The following RBFOX1 variants were observed in gnomAD, a reference collection of about 807,000 sequenced individuals.
The protein encoded by RBFOX1 is RNA binding fox-1 homolog 1.
A neutral mutation model predicts 57.7 loss-of-function variants in RBFOX1; 8 were observed. That is an observed-to-expected ratio of 0.14 (90% CI 0.08 to 0.25). The LOEUF (loss-of-function observed/expected upper bound fraction) is 0.25. RBFOX1 is among the 10% of genes least tolerant of loss of function. RBFOX1 has a pLI of 1.00. For missense variants in RBFOX1, 611 were observed against 548.5 expected (o/e 1.11, Z -1.14); for synonymous variants, 326 against 222.4 (o/e 1.47, Z -4.15).
At chr16:6,267,042 T>C (rs1286977184) in intron 1 of RBFOX1, among the ~76,000 whole-genome samples, 1 of 152,178 alleles carries the variant, frequency 6.6e-6, no homozygotes, top group African/African-American at 2.4e-5. Context: ...GGATAGGTTC[T>C]AGTGAAAAGC....
chr16:6,012,682 G>A (rs149728403), intron 4 of RBFOX1, among the ~76,000 whole-genome samples: 8 of 152,230 alleles, frequency 5.3e-5, no homozygotes, highest in Non-Finnish European at 1.0e-4. Flanking sequence ...TGGTAGTTTT[G>A]GAAGCCCGTT....
chr16:6,883,271 C>A (rs963126400), intron 3 of RBFOX1, among the ~76,000 whole-genome samples: 7 of 152,084 alleles, frequency 4.6e-5, no homozygotes, highest in African/African-American at 1.7e-4. Context: ...TTGTCCTAGA[C>A]CTTCTTTTTG....
At chr16:7,169,947 C>T (rs1478524552) in intron 4 of RBFOX1, among the ~76,000 whole-genome samples, 1 of 152,068 alleles carries the variant, frequency 6.6e-6, no homozygotes, top group Non-Finnish European at 1.5e-5. Context: ...GTGACACACG[C>T]CTGTGGTCCC....
chr16:6,801,651 T>C (rs941292290), intron 3 of RBFOX1, among the ~76,000 whole-genome samples: 1 of 151,938 alleles, frequency 6.6e-6, no homozygotes, highest in African/African-American at 2.4e-5. Context: ...GGAAAGGTGT[T>C]TCTGGACCAA....
chr16:5,544,156 G>A (rs988466863), intron 2 of RBFOX1, among the ~76,000 whole-genome samples: 1 of 152,058 alleles, frequency 6.6e-6, no homozygotes, highest in East Asian at 1.9e-4. Context: ...ATTTTATTTG[G>A]TAAAATAAAT....
At chr16:5,621,716 G>T (rs992679390) in intron 3 of RBFOX1, among the ~76,000 whole-genome samples, 2 of 152,156 alleles carry the variant, frequency 1.3e-5, no homozygotes, top group African/African-American at 4.8e-5. Context: ...ATTCTCTCCA[G>T]GCAAAAGATG....
intron 2 of RBFOX1, among the ~76,000 whole-genome samples, chr16:6,378,183 G>A (rs920321169): frequency 6.6e-6 from 1 of 152,346 alleles, no homozygotes; most frequent in Non-Finnish European, 1.5e-5. Flanking sequence ...GCTGCCAGCA[G>A]CAGATGTTTG....
chr16:7,519,249 C>G (rs2077025096), intron 5 of RBFOX1, among the ~76,000 whole-genome samples: 1 of 152,130 alleles, frequency 6.6e-6, no homozygotes. Flanking sequence ...GCTTCTTTAC[C>G]TTAGCCTAAT....
At chr16:5,742,346 TTTCC>T (rs1194071993) in intron 3 of RBFOX1, among the ~76,000 whole-genome samples, 2 of 91,416 alleles carry the variant, frequency 2.2e-5, no homozygotes, top group South Asian at 4.6e-4. Context: ...CTCTCCTAAC[TTTCC>T]TTCCTTCCTT....
At chr16:6,785,615 C>A (rs1185631466) in intron 3 of RBFOX1, among the ~76,000 whole-genome samples, 4 of 152,152 alleles carry the variant, frequency 2.6e-5, no homozygotes, top group African/African-American at 9.7e-5. Context: ...CCTTTGTTTT[C>A]AACTGCACAA....
In RBFOX1 at chr16:7,325,227, T is replaced by A. The variant is rs186668420; in HGVS notation, c.28-192920T>A. On this transcript the variant is annotated intron_variant, in intron 4 of 15. Transcript: ENST00000550418. Reference sequence around the variant, plus strand: ...TAAACACTGCAGTATACTGTACTTATTTAAATCTCTGGACCACTCCATGTG... The same window carrying A: ...TAAACACTGCAGTATACTGTACTTAATTAAATCTCTGGACCACTCCATGTG... 8.8e-4 allele frequency among the ~76,000 whole-genome samples: 134 copies of A among 152,352 alleles called. 2 individuals are homozygous for A. Among genetic ancestry groups the A allele is most frequent in the African/African-American group, 3.2e-3 (133 of 41,590 alleles).
At chr16:5,411,802 G>A (rs1000111759) in intron 1 of RBFOX1, among the ~76,000 whole-genome samples, 1 of 152,040 alleles carries the variant, frequency 6.6e-6, no homozygotes. Flanking sequence ...AGGATTGCTT[G>A]AGCCTGGGAA....
At chr16:7,398,596 ATC>A (rs1245353106) in intron 4 of RBFOX1, among the ~76,000 whole-genome samples, 2 of 152,360 alleles carry the variant, frequency 1.3e-5, no homozygotes, top group Non-Finnish European at 1.5e-5. Context: ...GCCACCTTCA[ATC>A]TCTCTAACAT....
intron 4 of RBFOX1, among the ~76,000 whole-genome samples, chr16:5,938,759 G>A (rs550972819): frequency 6.6e-6 from 1 of 152,160 alleles, no homozygotes; most frequent in South Asian, 2.1e-4. Flanking sequence ...CAGTCATTTT[G>A]GTTACCTGCA....
chr16:7,319,949 G>A (rs1024858830), intron 4 of RBFOX1, among the ~76,000 whole-genome samples: 9 of 152,198 alleles, frequency 5.9e-5, no homozygotes, highest in Non-Finnish European at 1.3e-4. Flanking sequence ...TTGGCACATA[G>A]TGAGACCTAG....
chr16:7,035,587 C>A (rs547814756), intron 3 of RBFOX1, among the ~76,000 whole-genome samples: 1 of 151,936 alleles, frequency 6.6e-6, no homozygotes, highest in Non-Finnish European at 1.5e-5. Context: ...TAAAGCTCTG[C>A]GTTGTTGGTT....
intron 1 of RBFOX1, among the ~76,000 whole-genome samples, chr16:6,042,316 G>A (rs1356430920): frequency 6.6e-6 from 1 of 151,914 alleles, no homozygotes; most frequent in Non-Finnish European, 1.5e-5. Flanking sequence ...GGCCAGGATG[G>A]TCTCGATCTC....
At chr16:6,564,869 G>A (rs915289360) in intron 2 of RBFOX1, among the ~76,000 whole-genome samples, 3 of 152,024 alleles carry the variant, frequency 2.0e-5, no homozygotes, top group Admixed American at 6.6e-5. Context: ...GGCTGGGCAC[G>A]GTGGCTCATG....
chr16:6,673,894 A>G (rs1041527352), intron 3 of RBFOX1, among the ~76,000 whole-genome samples: 2 of 152,224 alleles, frequency 1.3e-5, no homozygotes, highest in Non-Finnish European at 2.9e-5. Flanking sequence ...TTGTTGGAGG[A>G]AGTGCCATAT....
Sources: gnomAD v4.1 joint callset for allele counts (sites outside exome capture counted in the v4.1 genomes callset) on GRCh38, gnomAD v4.1.1 for gene constraint, MANE v1.5 for transcripts, NCBI Gene and HGNC (gene_info 2026-07-23, HGNC 2026-07-21) for gene names.